RABGAP1L: variants seen among roughly 807,000 people sequenced by gnomAD.
RABGAP1L encodes RAB GTPase activating protein 1 like.
In RABGAP1L, 63 loss-of-function variants were observed where a neutral mutation model predicts 137.7. The ratio of observed to expected loss-of-function variants is 0.46; its 90% CI spans 0.37 to 0.56. The LOEUF (loss-of-function observed/expected upper bound fraction) is 0.56, where lower values mean the gene tolerates loss of function less well. Ranked by LOEUF, RABGAP1L falls within the 20% of genes least tolerant of loss-of-function variation. The probability of loss-of-function intolerance (pLI) is 0.00; values close to 1 mark genes in which losing one functional copy is unlikely to be tolerated. For synonymous variants in RABGAP1L, 431 were observed against 433.7 expected, an observed-to-expected ratio of 0.99 and a Z score of 0.08; for missense variants, 1,095 against 1,244.0, an observed-to-expected ratio of 0.88 and a Z score of 1.80.
intron 13 of RABGAP1L, among the ~76,000 whole-genome samples, chr1:174,516,022 G>T (rs1380504973): frequency 6.6e-6 from 1 of 151,570 alleles, no homozygotes; most frequent in Non-Finnish European, 1.5e-5. Flanking sequence ...GATAGTTCCT[G>T]GAAAATCACT....
chr1:174,262,947 G>C lies in RABGAP1L; in HGVS notation c.987-9467G>C, dbSNP rs117785404. Among the ~76,000 whole-genome samples the C allele has an allele frequency of 2.5e-3, 385 of 152,322 alleles. 14 individuals carry two copies. The East Asian group carries it at 0.057, about 23-fold the overall frequency. ...TTACATTTATTGTTTTCTTGCTCTTGCTTATTGTAAGATCCAGGGACATCC... is the reference window on the plus strand; with the variant it reads ...TTACATTTATTGTTTTCTTGCTCTTCCTTATTGTAAGATCCAGGGACATCC... On this transcript the variant is annotated intron_variant, in intron 7 of 25. Coordinates refer to ENST00000681986, the MANE Select transcript of RABGAP1L (RefSeq NM_001366446.1).
chr1:174,887,656 T>C (rs547746015), intron 19 of RABGAP1L, among the ~76,000 whole-genome samples: 10 of 152,208 alleles, frequency 6.6e-5, no homozygotes, highest in African/African-American at 2.4e-4. Context: ...GTTAAGTCCA[T>C]GGACCCCTTA....
intron 18 of RABGAP1L, among the ~76,000 whole-genome samples, chr1:174,787,613 G>A (rs1441133812): frequency 6.6e-6 from 1 of 152,172 alleles, no homozygotes; most frequent in Admixed American, 6.5e-5. Context: ...GGAAAGGTAG[G>A]ATAGATCTAG....
intron 22 of RABGAP1L, 91 bp from the exon 23 acceptor site, chr1:174,978,716 T>A: frequency 3.0e-6 from 4 of 1,329,812 alleles, no homozygotes; most frequent in Non-Finnish European, 3.9e-6. Context: ...CCATTGTTAC[T>A]GACTATGAAT....
chr1:174,448,618 C>A lies in RABGAP1L; in HGVS notation c.1710+54473C>A, dbSNP rs1360488219. ...GCATTATTTTGATCTGGATCTACTC[C>A]TGCCTAATTTTCTTGCCTTCCTTTT... is the stretch of plus-strand genomic sequence containing the variant. On this transcript the variant is annotated intron_variant, in intron 13 of 25. Transcript: ENST00000681986. This position sits in a 1 kb window ranked among gnomAD's most constrained non-coding sequence, Gnocchi z 4.2. 2 of 1,613,970 alleles carry A rather than the reference C, an allele frequency of 1.2e-6. No homozygotes were observed. Among genetic ancestry groups the A allele is most frequent in the South Asian group, 2.2e-5 (2 of 91,080 alleles).
chr1:174,313,519 A>C (rs1476812878), intron 11 of RABGAP1L, among the ~76,000 whole-genome samples: 1 of 152,112 alleles, frequency 6.6e-6, no homozygotes, highest in Non-Finnish European at 1.5e-5. Flanking sequence ...CAGTGGTAAC[A>C]GTGCTCTAGC....
chr1:174,979,004 C>T (rs1670877565), intron 23 of RABGAP1L, 114 bp downstream of exon 23: 5 of 1,295,034 alleles, frequency 3.9e-6, no homozygotes, highest in Non-Finnish European at 4.9e-6. Context: ...CATAGCAGGA[C>T]CCCATATCTA....
intron 13 of RABGAP1L, among the ~76,000 whole-genome samples, chr1:174,453,854 T>A (rs1310155981): frequency 1.3e-5 from 2 of 152,224 alleles, no homozygotes; most frequent in East Asian, 3.8e-4. Flanking sequence ...AGTGTTTTTT[T>A]AAAATATTAA....
At chr1:174,399,809 G>A (rs975917726) in intron 13 of RABGAP1L, among the ~76,000 whole-genome samples, 1 of 152,088 alleles carries the variant, frequency 6.6e-6, no homozygotes, top group East Asian at 1.9e-4. Flanking sequence ...GATCTCGTGG[G>A]AACTCATTAT....
Position 174,698,447 on chromosome 1 carries a change from C to T in RABGAP1L, c.1900-1078C>T, listed in dbSNP as rs56291114. On this transcript the variant is annotated intron_variant, in intron 15 of 25. Coordinates refer to ENST00000681986, the MANE Select transcript of RABGAP1L (RefSeq NM_001366446.1). ...CAAGAAAACGCAGGGAGGATAGTCT[C>T]ACGCTATTTACCAAAATTTAAAATG... is the stretch of plus-strand genomic sequence containing the variant. Among the ~76,000 whole-genome samples, 1,481 of 152,274 alleles carry T rather than the reference C, an allele frequency of 9.7e-3. 14 individuals carry two copies. The highest frequency in any genetic ancestry group is 0.015 in the Non-Finnish European group (1,023 of 68,008).
At chr1:174,609,079 T>C (rs993863503) in intron 13 of RABGAP1L, among the ~76,000 whole-genome samples, 15 of 152,196 alleles carry the variant, frequency 9.9e-5, no homozygotes, top group Non-Finnish European at 1.6e-4. Flanking sequence ...TTAACACTTA[T>C]AACTAATCAC....
At chr1:174,233,020 C>G (rs1249806336) in intron 4 of RABGAP1L, among the ~76,000 whole-genome samples, 1 of 152,108 alleles carries the variant, frequency 6.6e-6, no homozygotes, top group East Asian at 1.9e-4. Flanking sequence ...GTTCCTAGAT[C>G]AAAGCTCCAG....
chr1:174,313,930 C>T (rs1019477552), intron 11 of RABGAP1L, among the ~76,000 whole-genome samples: 12 of 151,998 alleles, frequency 7.9e-5, no homozygotes, highest in Admixed American at 3.3e-4. Context: ...ATGATTTTTG[C>T]GTGAGTATTT....
chr1:174,590,348 A>ATTTTT (rs1235238656), intron 13 of RABGAP1L, among the ~76,000 whole-genome samples: 1 of 101,498 alleles, frequency 9.9e-6, no homozygotes, highest in African/African-American at 3.7e-5. Flanking sequence ...TTTTTTTTTT[A>ATTTTT]TTTATTTTTT....
chr1:174,189,732 G>A (rs890215507), intron 1 of RABGAP1L, among the ~76,000 whole-genome samples: 1 of 152,188 alleles, frequency 6.6e-6, no homozygotes, highest in African/African-American at 2.4e-5. Flanking sequence ...ACTTTGGGAG[G>A]CCAAGGCAGG....
intron 14 of RABGAP1L, among the ~76,000 whole-genome samples, chr1:174,649,454 T>G (rs943345851): frequency 1.3e-5 from 2 of 152,152 alleles, no homozygotes; most frequent in African/African-American, 4.8e-5. Flanking sequence ...TCTCCTTTGC[T>G]TATAAATCTT....
rs1410390261 is a variant in RABGAP1L, at chr1:174,350,132, G to C, written c.1466-20847G>C. ...CCCGGACGGCACGGCTGGCCGGGTG[G>C]GGGGGCTGACCCCCCACCTCCCTCC... On this transcript the variant is annotated intron_variant, in intron 11 of 25. Coordinates refer to ENST00000681986, the MANE Select transcript of RABGAP1L (RefSeq NM_001366446.1). Among the ~76,000 whole-genome samples the C allele has an allele frequency of 6.5e-4, 92 of 141,188 alleles. 2 individuals carry two copies. In the East Asian group the frequency reaches 0.02, roughly 31 times the overall value. 92.6% of individuals were successfully genotyped at this position (141,188 alleles called of 152,430 possible).
intron 11 of RABGAP1L, among the ~76,000 whole-genome samples, chr1:174,352,580 T>C (rs1683294483): frequency 6.6e-6 from 1 of 152,224 alleles, no homozygotes; most frequent in African/African-American, 2.4e-5. Flanking sequence ...TGCTAGTGCT[T>C]CATTTAGTTC....
chr1:174,962,194 A>AAC (rs1669186512), intron 20 of RABGAP1L, among the ~76,000 whole-genome samples: 1 of 40,452 alleles, frequency 2.5e-5, no homozygotes. Flanking sequence ...AAATAAAAAT[A>AAC]CACCCCCCCC....
Sources: gnomAD v4.1 joint callset for allele counts (sites outside exome capture counted in the v4.1 genomes callset) on GRCh38, gnomAD v4.1.1 for gene constraint, Gnocchi (gnomAD v3.1) non-coding constraint, MANE v1.5 for transcripts, NCBI Gene and HGNC (gene_info 2026-07-23, HGNC 2026-07-21) for gene names.